MCC: variants seen among roughly 807,000 people sequenced by gnomAD.
MCC encodes colorectal mutant cancer protein.
Under a neutral mutation model 116.2 loss-of-function variants are expected in MCC, and 90 were observed. The ratio of observed to expected loss-of-function variants is 0.77; its 90% confidence interval spans 0.65 to 0.92. MCC has a LOEUF of 0.92. MCC is among the 40% of genes least tolerant of loss of function. MCC has a pLI of 0.00. For synonymous variants in MCC, 578 were observed against 510.5 expected (o/e 1.13, Z -1.78); for missense variants, 1,516 against 1,312.2 (o/e 1.16, Z -2.40).
intron 17 of MCC, among the ~76,000 whole-genome samples, chr5:113,032,800 C>A (rs1236153744): frequency 6.6e-6 from 1 of 152,168 alleles, no homozygotes; most frequent in African/African-American, 2.4e-5. Context: ...AGTAAAGAAG[C>A]CAGCCAAAAC....
chr5:113,372,673 T>C (rs1182938052), intron 2 of MCC, among the ~76,000 whole-genome samples: 2 of 152,194 alleles, frequency 1.3e-5, no homozygotes, highest in African/African-American at 2.4e-5. Flanking sequence ...GTGATCACTA[T>C]ATTGTTCTGC....
chr5:113,433,073 A>C (rs1580367652), intron 1 of MCC: 1 of 153,364 alleles, frequency 6.5e-6, no homozygotes, highest in East Asian at 1.9e-4. Flanking sequence ...AAAGAAGCAC[A>C]TATGGGGCAC....
At chr5:113,040,382 T>C (rs1356290120) in intron 17 of MCC, among the ~76,000 whole-genome samples, 1 of 152,110 alleles carries the variant, frequency 6.6e-6, no homozygotes, top group Non-Finnish European at 1.5e-5. Flanking sequence ...GGACAGCCCA[T>C]GGCTTAGCCT....
At chr5:113,134,646 G>C (rs1758695918) in intron 5 of MCC, among the ~76,000 whole-genome samples, 1 of 119,424 alleles carries the variant, frequency 8.4e-6, no homozygotes, top group Admixed American at 1.1e-4. Flanking sequence ...TTGGTATTTT[G>C]ATAGGGATTA....
chr5:113,328,700 C>G (rs1377731178), intron 3 of MCC, among the ~76,000 whole-genome samples: 2 of 152,148 alleles, frequency 1.3e-5, no homozygotes, highest in Non-Finnish European at 2.9e-5. Flanking sequence ...AACATAAATT[C>G]ACCAGGGGTT....
intron 1 of MCC, among the ~76,000 whole-genome samples, chr5:113,422,345 A>G (rs1487727381): frequency 6.6e-6 from 1 of 152,228 alleles, no homozygotes; most frequent in Non-Finnish European, 1.5e-5. Flanking sequence ...TAGTAAAATA[A>G]ATAGTAAGTG....
intron 2 of MCC, among the ~76,000 whole-genome samples, chr5:113,384,598 A>G (rs1470584414): frequency 1.3e-5 from 2 of 152,104 alleles, no homozygotes; most frequent in African/African-American, 4.8e-5. Context: ...CCGCCCCCCA[A>G]AAAAATTGCT....
At chr5:113,050,353 G>A (rs577307439) in intron 15 of MCC, among the ~76,000 whole-genome samples, 19 of 152,256 alleles carry the variant, frequency 1.2e-4, no homozygotes, top group African/African-American at 3.9e-4. Context: ...CCCACCGTGA[G>A]ATGGACTCAC....
intron 2 of MCC, among the ~76,000 whole-genome samples, chr5:113,372,538 T>C (rs1021340385): frequency 2.0e-5 from 3 of 152,192 alleles, no homozygotes; most frequent in East Asian, 1.9e-4. Flanking sequence ...TTTGTATTGC[T>C]CTTTAGTTTT....
chr5:113,080,266 C>G (rs1051236575), intron 11 of MCC, among the ~76,000 whole-genome samples: 16 of 152,202 alleles, frequency 1.1e-4, no homozygotes, highest in Non-Finnish European at 2.1e-4. Flanking sequence ...GGATCTAGAA[C>G]TAGAAATACC....
chr5:113,160,867 TAA>T (rs1760444939), intron 3 of MCC, among the ~76,000 whole-genome samples: 1 of 152,158 alleles, frequency 6.6e-6, no homozygotes, highest in Non-Finnish European at 1.5e-5. Context: ...GTGGGAAAGT[TAA>T]AGAGGACAAA....
At chr5:113,043,131 C>T (rs1303453220) in intron 17 of MCC, among the ~76,000 whole-genome samples, 1 of 152,154 alleles carries the variant, frequency 6.6e-6, no homozygotes, top group Non-Finnish European at 1.5e-5. Context: ...TTTCCCAGAA[C>T]TAAATAAATA....
At chr5:113,425,852 G>C (rs1770467744) in intron 1 of MCC, among the ~76,000 whole-genome samples, 1 of 152,002 alleles carries the variant, frequency 6.6e-6, no homozygotes, top group South Asian at 2.1e-4. Context: ...CACCATGCTG[G>C]GGGTGGTGGA....
intron 3 of MCC, among the ~76,000 whole-genome samples, chr5:113,263,855 T>C (rs1765307157): frequency 6.8e-6 from 1 of 147,494 alleles, no homozygotes; most frequent in Admixed American, 6.8e-5. Context: ...ATCATGGCAA[T>C]AGCAAAATAA....
chr5:113,259,018 A>G (rs1297015209), intron 3 of MCC, among the ~76,000 whole-genome samples: 2 of 152,146 alleles, frequency 1.3e-5, no homozygotes, highest in African/African-American at 2.4e-5. Flanking sequence ...TAAGTGATCT[A>G]TTTAACTTGT....
intron 1 of MCC, among the ~76,000 whole-genome samples, chr5:113,424,439 G>A (rs537798451): frequency 7.7e-4 from 118 of 152,264 alleles, no homozygotes; most frequent in African/African-American, 2.6e-3. Context: ...CTCAGTCCAG[G>A]TGTGATGGCT....
chr5:113,148,941 A>G (rs1045679462), intron 4 of MCC, among the ~76,000 whole-genome samples: 5 of 152,218 alleles, frequency 3.3e-5, no homozygotes, highest in Admixed American at 1.3e-4. Flanking sequence ...AAGTAAAAAA[A>G]GAGCTGAATC....
chr5:113,271,194 C>A (rs1180020468), intron 3 of MCC, among the ~76,000 whole-genome samples: 1 of 152,152 alleles, frequency 6.6e-6, no homozygotes, highest in Non-Finnish European at 1.5e-5. Flanking sequence ...GCTGACTCAG[C>A]TGCCTGTGGA....
chr5:113,137,675 T>C (rs916275637), intron 5 of MCC, among the ~76,000 whole-genome samples: 6 of 152,164 alleles, frequency 3.9e-5, no homozygotes, highest in African/African-American at 9.7e-5. Flanking sequence ...GTTGTTGTTA[T>C]GCCCCTGTCT....
Sources: gnomAD v4.1 joint callset for allele counts (sites outside exome capture counted in the v4.1 genomes callset) on GRCh38, gnomAD v4.1.1 for gene constraint, MANE v1.5 for transcripts, NCBI Gene and HGNC (gene_info 2026-07-23, HGNC 2026-07-21) for gene names.